The following RBFOX1 variants were observed in gnomAD, a reference collection of about 807,000 sequenced individuals.
RBFOX1 encodes the protein RNA binding fox-1 homolog 1.
A neutral mutation model predicts 57.7 loss-of-function variants in RBFOX1; 8 were observed. The observed-to-expected ratio is 0.14, with a 90% CI of 0.08 to 0.25. The LOEUF is 0.25. Ranked by LOEUF, RBFOX1 falls within the 10% of genes least tolerant of loss-of-function variation. The pLI, the probability that RBFOX1 is intolerant of heterozygous loss-of-function variation, is 1.00. For missense variants in RBFOX1, 611 were observed against 548.5 expected (o/e 1.11, Z -1.14); for synonymous variants, 326 against 222.4 (o/e 1.47, Z -4.15).
chr16:7,069,580 A>C (rs1388959110), intron 4 of RBFOX1, among the ~76,000 whole-genome samples: 1 of 152,204 alleles, frequency 6.6e-6, no homozygotes, highest in African/African-American at 2.4e-5. Flanking sequence ...GCTATGGGAC[A>C]CATTCCTTTC....
At chr16:6,927,989 G>T (rs561699685) in intron 3 of RBFOX1, among the ~76,000 whole-genome samples, 1 of 152,298 alleles carries the variant, frequency 6.6e-6, no homozygotes, top group Non-Finnish European at 1.5e-5. Context: ...TTGAGCTGCT[G>T]TTCCGCTGCT....
intron 4 of RBFOX1, among the ~76,000 whole-genome samples, chr16:7,358,665 C>T (rs1303797432): frequency 6.6e-6 from 1 of 152,104 alleles, no homozygotes; most frequent in Non-Finnish European, 1.5e-5. Context: ...GGTGATCCAC[C>T]CACCTCGGCC....
intron 4 of RBFOX1, among the ~76,000 whole-genome samples, chr16:7,460,370 A>ATATATATATATAT (rs1555477558): frequency 1.7e-4 from 13 of 75,998 alleles, no homozygotes; most frequent in South Asian, 1.1e-3. Context: ...CATTTAGCAA[A>ATATATATATATAT]ATATATATAT....
rs895747078 is a variant in RBFOX1 at position 6,988,498 on chromosome 16, A to G, written c.-15-63559A>G. Among the ~76,000 whole-genome samples the G allele has an allele frequency of 3.9e-5, 6 of 152,020 alleles. 1 individual carries two copies. Among genetic ancestry groups the G allele is most frequent in the African/African-American group, 1.4e-4 (6 of 41,420 alleles). On this transcript the variant is annotated intron_variant, in intron 3 of 15. Transcript: ENST00000550418. ...GTTGTGATAACATATTGGGCTAAAT[A>G]TATTTTTAAAATTAGTCTTACCTGT...
At chr16:6,568,468 A>G (rs1156902740) in intron 2 of RBFOX1, among the ~76,000 whole-genome samples, 1 of 152,186 alleles carries the variant, frequency 6.6e-6, no homozygotes, top group Non-Finnish European at 1.5e-5. Flanking sequence ...GAGAGATGCT[A>G]AGATGGAAGC....
intron 3 of RBFOX1, among the ~76,000 whole-genome samples, chr16:5,648,498 T>A (rs2049121612): frequency 6.6e-6 from 1 of 152,036 alleles, no homozygotes; most frequent in South Asian, 2.1e-4. Flanking sequence ...CAATGTCCAG[T>A]GACATTTTGC....
intron 2 of RBFOX1, among the ~76,000 whole-genome samples, chr16:6,333,763 T>C (rs2083313483): frequency 6.6e-6 from 1 of 152,188 alleles, no homozygotes. Context: ...CAACGAATGG[T>C]TAGAAAGCAG....
At chr16:6,038,408 C>T (rs1038007662) in intron 1 of RBFOX1, 1 of 150,230 alleles carries the variant, frequency 6.7e-6, no homozygotes, top group Non-Finnish European at 1.5e-5. Context: ...TCTCGAACTC[C>T]TGACCTCAAG....
chr16:5,732,703 C>T (rs963014442), intron 3 of RBFOX1, among the ~76,000 whole-genome samples: 11 of 152,132 alleles, frequency 7.2e-5, no homozygotes, highest in Non-Finnish European at 1.0e-4. Context: ...ATCCATTTTT[C>T]ACCCATTTAC....
At chr16:5,732,009 C>G (rs185743918) in intron 3 of RBFOX1, among the ~76,000 whole-genome samples, 48 of 152,262 alleles carry the variant, frequency 3.2e-4, no homozygotes, top group African/African-American at 1.1e-3. Flanking sequence ...GCTGGGCATC[C>G]CCTTGCAAGA....
At chr16:7,556,713 T>C (rs1057302441) in intron 5 of RBFOX1, among the ~76,000 whole-genome samples, 1 of 152,180 alleles carries the variant, frequency 6.6e-6, no homozygotes, top group African/African-American at 2.4e-5. Flanking sequence ...TCTTAGGCTT[T>C]AATTTCCTCA....
chr16:6,784,181 G>C (rs1208469750), intron 3 of RBFOX1, among the ~76,000 whole-genome samples: 2 of 151,992 alleles, frequency 1.3e-5, no homozygotes, highest in African/African-American at 4.8e-5. Context: ...AAAGTTGTCT[G>C]TTATTTTTTT....
chr16:5,676,484 C>G (rs1245660097), intron 3 of RBFOX1, among the ~76,000 whole-genome samples: 2 of 152,188 alleles, frequency 1.3e-5, no homozygotes, highest in Non-Finnish European at 1.5e-5. Flanking sequence ...GTCACTCAAC[C>G]TCTCTGAGAT....
chr16:7,659,850 A>G (rs987501560), intron 12 of RBFOX1, among the ~76,000 whole-genome samples: 1 of 152,158 alleles, frequency 6.6e-6, no homozygotes, highest in Non-Finnish European at 1.5e-5. Flanking sequence ...TGGAGGGGAG[A>G]ATGTGAAAAG....
chr16:6,457,432 C>T (rs942281095), intron 2 of RBFOX1, among the ~76,000 whole-genome samples: 2 of 58,554 alleles, frequency 3.4e-5, no homozygotes, highest in African/African-American at 7.0e-5. Context: ...TGTGAATTTC[C>T]GGAAGTCCCC....
chr16:6,258,094 A>T (rs761591669), intron 1 of RBFOX1, among the ~76,000 whole-genome samples: 3 of 152,148 alleles, frequency 2.0e-5, no homozygotes, highest in African/African-American at 4.8e-5. Context: ...TCTTAATAAA[A>T]TTCCCATGCC....
At chr16:6,534,788 G>A (rs1316892516) in intron 2 of RBFOX1, among the ~76,000 whole-genome samples, 1 of 152,034 alleles carries the variant, frequency 6.6e-6, no homozygotes, top group African/African-American at 2.4e-5. Flanking sequence ...TGGGGTACTG[G>A]TTCATGTATA....
At chr16:5,662,176 T>G (rs2049674775) in intron 3 of RBFOX1, among the ~76,000 whole-genome samples, 1 of 152,190 alleles carries the variant, frequency 6.6e-6, no homozygotes, top group South Asian at 2.1e-4. Flanking sequence ...AAAACTGGGA[T>G]TCGTATCAAA....
At chr16:6,364,675 A>G (rs960080454) in intron 2 of RBFOX1, among the ~76,000 whole-genome samples, 1 of 152,196 alleles carries the variant, frequency 6.6e-6, no homozygotes, top group Non-Finnish European at 1.5e-5. Flanking sequence ...GATGTGTTTT[A>G]TCTAATATCT....
Sources: gnomAD v4.1 joint callset for allele counts (sites outside exome capture counted in the v4.1 genomes callset) on GRCh38, gnomAD v4.1.1 for gene constraint, MANE v1.5 for transcripts, NCBI Gene and HGNC (gene_info 2026-07-23, HGNC 2026-07-21) for gene names.